Variants in SLC45A2 observed in about 807,000 individuals in gnomAD.
SLC45A2 encodes membrane-associated transporter protein.
Under a neutral mutation model 45.5 loss-of-function variants are expected in SLC45A2, and 36 were observed. The ratio of observed to expected loss-of-function variants is 0.79; its 90% CI spans 0.61 to 1.04. The LOEUF (loss-of-function observed/expected upper bound fraction) is 1.04. Ranked by LOEUF, SLC45A2 falls within the 50% of genes least tolerant of loss-of-function variation. The pLI is 0.00. For synonymous variants in SLC45A2, 306 were observed against 269.3 expected (o/e 1.14, Z -1.33); for missense variants, 719 against 671.0 (o/e 1.07, Z -0.79).
intron 4 of SLC45A2, among the ~76,000 whole-genome samples, chr5:33,952,767 T>A (rs1231723417): frequency 7.1e-6 from 1 of 140,848 alleles, no homozygotes; most frequent in Non-Finnish European, 1.5e-5. Flanking sequence ...TATGTATACA[T>A]GTGCCATGCT....
Position 33,947,145 on chromosome 5 carries a change from G to T in SLC45A2, c.1368+18C>A. 6.2e-7 allele frequency: 1 copy of T among 1,614,164 alleles called. No individual in the cohort carries two copies. Among genetic ancestry groups the T allele is most frequent in the Admixed American group, 1.7e-5 (1 of 60,020 alleles). On this transcript the variant is annotated intron_variant, in intron 6 of 6. Coordinates refer to ENST00000296589, the MANE Select transcript of SLC45A2 (RefSeq NM_016180.5). ...GAGTCTGGATGTTACCCAAGGCAGAGGTTCAATGACAGCACACCTCCTTTT... is the reference window on the plus strand; with the variant it reads ...GAGTCTGGATGTTACCCAAGGCAGATGTTCAATGACAGCACACCTCCTTTT...
At chr5:33,958,483 TCTTA>T (rs1347501194) in intron 3 of SLC45A2, among the ~76,000 whole-genome samples, 1 of 152,164 alleles carries the variant, frequency 6.6e-6, no homozygotes, top group Admixed American at 6.5e-5. Context: ...TGTGCTATAT[TCTTA>T]CTTTAACTTT....
chr5:33,975,588 A>T (rs1752905713), intron 2 of SLC45A2, among the ~76,000 whole-genome samples: 1 of 152,114 alleles, frequency 6.6e-6, no homozygotes, highest in East Asian at 1.9e-4. Flanking sequence ...CTTGGTCTTT[A>T]ATTATTCTTA....
chr5:33,946,867 C>T (rs1579531598), intron 6 of SLC45A2: 1 of 1,357,776 alleles, frequency 7.4e-7, no homozygotes, highest in East Asian at 2.9e-5. Flanking sequence ...TAATTGTGGG[C>T]TGGTTTCTCA....
At chr5:33,964,805 CT>C (rs1752557385) in intron 2 of SLC45A2, among the ~76,000 whole-genome samples, 1 of 152,054 alleles carries the variant, frequency 6.6e-6, no homozygotes, top group African/African-American at 2.4e-5. Context: ...TTAGTTATTC[CT>C]TTTTTGAGTT....
Position 33,963,970 on chromosome 5 carries a change from G to C in SLC45A2, c.609C>G (p.Ala203=), listed in dbSNP as rs1468170683. The part of the protein sequence containing the change: ...LGYLLGAIDW[A]HLELGRLLGT... The stretch of plus-strand genomic sequence containing the variant: ...CCAACAGTCTTCCCAGCTCCAGATG[G>C]GCCCAGTCTATAGCACCCAAAAGGT... The change falls in exon 3 of 7, where the codon GCC becomes GCG. Residue 203 remains alanine, a synonymous_variant. Transcript: ENST00000296589. The C allele has an allele frequency of 1.2e-6, 2 of 1,613,972 alleles. No homozygotes were observed. The highest frequency in any genetic ancestry group is 2.2e-5 in the South Asian group (2 of 91,072).
At chr5:33,950,041 A>T (rs1501694) in intron 5 of SLC45A2, among the ~76,000 whole-genome samples, 37 of 152,096 alleles carry the variant, frequency 2.4e-4, no homozygotes, top group East Asian at 1.4e-3. Flanking sequence ...AATTTTTTTT[A>T]AATTAATAAG....
At chr5:33,954,333 T>C (rs1752207066) in intron 4 of SLC45A2, 28 bp downstream of exon 4, 1 of 1,613,772 alleles carries the variant, frequency 6.2e-7, no homozygotes, top group Non-Finnish European at 8.5e-7. Flanking sequence ...TGTGTAACAG[T>C]GATTGTGTGC....
Position 33,963,749 on chromosome 5 carries a change from C to T in SLC45A2, c.830G>A (p.Gly277Asp), listed in dbSNP as rs1166868198. ...EYGSIEKVKN[G>D]YVNPELAMQG... ...CATTGCCAGCTCTGGATTTACGTAACCATTTTTAACTTTCTCGATAGAACC... is the reference window on the plus strand; with the variant it reads ...CATTGCCAGCTCTGGATTTACGTAATCATTTTTAACTTTCTCGATAGAACC... The change falls in exon 3 of 7, where the codon GGT (glycine) becomes GAT (aspartate). Residue 277 changes from glycine to aspartate, a missense_variant. Gly to Asp is a moderately conservative substitution (Grantham distance 94). Transcript: ENST00000296589. The T allele has an allele frequency of 2.5e-6, 4 of 1,614,146 alleles. No homozygotes were observed. The highest frequency in any genetic ancestry group is 2.5e-6 in the Non-Finnish European group (3 of 1,180,022).
chr5:33,973,693 T>C (rs894181235), intron 2 of SLC45A2, among the ~76,000 whole-genome samples: 2 of 152,256 alleles, frequency 1.3e-5, no homozygotes, highest in Non-Finnish European at 2.9e-5. Flanking sequence ...TTACCCATTC[T>C]TCTTCCAAGG....
intron 2 of SLC45A2, among the ~76,000 whole-genome samples, chr5:33,978,165 T>C (rs1752982316): frequency 6.6e-6 from 1 of 152,142 alleles, no homozygotes; most frequent in Admixed American, 6.5e-5. Context: ...AACCCTTCCC[T>C]TTGGAGTTTA....
chr5:33,954,581 CAT>C, intron 3 of SLC45A2, 77 bp from the exon 4 acceptor site: 1 of 1,589,678 alleles, frequency 6.3e-7, no homozygotes, highest in Non-Finnish European at 8.6e-7. Context: ...AACACACAGA[CAT>C]GTTATGTATT....
At chr5:33,969,818 G>C (rs990761929) in intron 2 of SLC45A2, among the ~76,000 whole-genome samples, 1 of 152,148 alleles carries the variant, frequency 6.6e-6, no homozygotes, top group African/African-American at 2.4e-5. Context: ...AGAGCAAGAA[G>C]ATAGGTGCCT....
At chr5:33,968,485 G>T (rs935529502) in intron 2 of SLC45A2, among the ~76,000 whole-genome samples, 1 of 152,176 alleles carries the variant, frequency 6.6e-6, no homozygotes, top group Admixed American at 6.5e-5. Context: ...GGTCCAGCTG[G>T]CCCCTTCCTC....
rs1348196517 is a variant in SLC45A2, at chr5:33,954,379, G to A, written c.1014C>T (p.Phe338=). ...WTAFLSNMLF[F]TDFMGQIVYR... The stretch of plus-strand genomic sequence containing the variant: ...TCATTACCTGGCCCATGAAATCTGT[G>A]AAGAACAGCATGTTGGACAGGAAGG... The change falls in exon 4 of 7, where the codon TTC becomes TTT. Residue 338 remains phenylalanine (F), a synonymous_variant. Transcript: ENST00000296589. The A allele has an allele frequency of 1.9e-6, 3 of 1,614,044 alleles. No homozygotes were observed. Among genetic ancestry groups the A allele is most frequent in the African/African-American group, 2.7e-5 (2 of 75,032 alleles).
chr5:33,971,624 A>ATTATTTT, intron 2 of SLC45A2, among the ~76,000 whole-genome samples: 1 of 151,848 alleles, frequency 6.6e-6, no homozygotes, highest in East Asian at 1.9e-4. Flanking sequence ...TAGTTAATTA[A>ATTATTTT]TTATTTTTTA....
Position 33,951,553 on chromosome 5 carries a change from C to T in SLC45A2, c.1156+1G>A. On this transcript the variant is annotated splice_donor_variant, in intron 5 of 6. Transcript: ENST00000296589. LOFTEE classifies it high-confidence loss of function. ...CATCCTTAGGAGAGAGAAAGACTTA[C>T]AAGAATAAAGTGAGGAAAACACGGA... 1 of 1,614,124 alleles carries T rather than the reference C, an allele frequency of 6.2e-7. No homozygotes were observed.
intron 5 of SLC45A2, among the ~76,000 whole-genome samples, 169 bp from the exon 6 acceptor site, chr5:33,947,543 C>T (rs537680464): frequency 1.3e-5 from 2 of 152,258 alleles, no homozygotes; most frequent in East Asian, 1.9e-4. Flanking sequence ...GCTTTTGGAA[C>T]CATTTTAAAG....
In SLC45A2 at chr5:33,971,785, C is replaced by A. The variant is rs1040835201; in HGVS notation, c.563-7769G>T. On this transcript the variant is annotated intron_variant, in intron 2 of 6. Coordinates refer to ENST00000296589, the MANE Select transcript of SLC45A2 (RefSeq NM_016180.5). ...GGGATTACAGGCATGCACCCCCATG[C>A]CTGGCTAATTTTTGTGTTTTTAGTA... Among the ~76,000 whole-genome samples, 6 of 152,116 alleles carry A rather than the reference C, an allele frequency of 3.9e-5. 1 individual carries two copies. Among genetic ancestry groups the A allele is most frequent in the Non-Finnish European group, 8.8e-5 (6 of 68,024 alleles).
Sources: allele counts gnomAD v4.1 joint callset (sites outside exome capture counted in the v4.1 genomes callset), GRCh38; gene constraint gnomAD v4.1.1; transcripts MANE v1.5; gene names NCBI Gene and HGNC (gene_info 2026-07-23, HGNC 2026-07-21).